Variants in ANGPT1 observed in about 807,000 individuals in gnomAD.
ANGPT1 encodes angiopoietin 1.
ANGPT1 carries 17 observed loss-of-function variants against 62.2 expected under a neutral mutation model. The observed-to-expected ratio is 0.27, with a 90% confidence interval of 0.19 to 0.41. The LOEUF is 0.41. Among genes scored for constraint, ANGPT1 ranks in the 10% least tolerant of loss-of-function variants. The pLI is 1.00. For synonymous variants in ANGPT1, 199 were observed against 198.9 expected, an observed-to-expected ratio of 1.00 and a Z score of 0.00; for missense variants, 478 against 594.9, an observed-to-expected ratio of 0.80 and a Z score of 2.04.
intron 1 of ANGPT1, among the ~76,000 whole-genome samples, chr8:107,376,535 T>A (rs1437502985): frequency 6.6e-6 from 1 of 151,700 alleles, no homozygotes; most frequent in Non-Finnish European, 1.5e-5. Flanking sequence ...CTTGTTTGTT[T>A]GTTTTTGTTT....
At chr8:107,346,316 A>T (rs1165401602) in intron 2 of ANGPT1, among the ~76,000 whole-genome samples, 1 of 152,214 alleles carries the variant, frequency 6.6e-6, no homozygotes, top group East Asian at 1.9e-4. Flanking sequence ...AGAGACAATT[A>T]AAAATGACAG....
chr8:107,257,150 G>A (rs564939270), intron 8 of ANGPT1, among the ~76,000 whole-genome samples: 25 of 152,248 alleles, frequency 1.6e-4, no homozygotes, highest in African/African-American at 5.5e-4. Context: ...GTGAGCCACC[G>A]CGCTCAGCCT....
intron 1 of ANGPT1, among the ~76,000 whole-genome samples, chr8:107,361,450 GATCT>G (rs1161854415): frequency 8.1e-5 from 12 of 147,954 alleles, no homozygotes; most frequent in Non-Finnish European, 1.8e-4. Context: ...AATATATATA[GATCT>G]ATCTATAAAT....
chr8:107,317,237 T>C, intron 4 of ANGPT1, among the ~76,000 whole-genome samples: 1 of 152,236 alleles, frequency 6.6e-6, no homozygotes, highest in East Asian at 1.9e-4. Flanking sequence ...AATACATCTT[T>C]TCTTCTTCCC....
intron 1 of ANGPT1, among the ~76,000 whole-genome samples, chr8:107,413,237 G>A (rs191640470): frequency 9.2e-5 from 14 of 152,138 alleles, no homozygotes; most frequent in South Asian, 4.2e-4. Context: ...GGCCAATCCC[G>A]GGTAATTATG....
chr8:107,334,555 TAATAAACGTGCTA>T (rs1815516665), intron 3 of ANGPT1, among the ~76,000 whole-genome samples: 1 of 145,698 alleles, frequency 6.9e-6, no homozygotes, highest in South Asian at 2.2e-4. Context: ...CCTTATGCTA[TAATAAACGTGCTA>T]TTGTATAATT....
intron 3 of ANGPT1, among the ~76,000 whole-genome samples, chr8:107,325,560 A>G (rs1213782500): frequency 6.6e-6 from 1 of 152,116 alleles, no homozygotes; most frequent in African/African-American, 2.4e-5. Context: ...AGTTTTCCTA[A>G]TCAGTAGGTA....
At chr8:107,285,498 C>T in intron 6 of ANGPT1, among the ~76,000 whole-genome samples, 1 of 152,076 alleles carries the variant, frequency 6.6e-6, no homozygotes. Context: ...ATTTACAAAG[C>T]TGCACTGGCA....
At chr8:107,279,912 T>A (rs1172976273) in intron 7 of ANGPT1, among the ~76,000 whole-genome samples, 1 of 151,962 alleles carries the variant, frequency 6.6e-6, no homozygotes, top group Non-Finnish European at 1.5e-5. Context: ...GGCCTAAGAA[T>A]GAGGGTGATG....
At chr8:107,299,023 A>G (rs952350741) in intron 5 of ANGPT1, among the ~76,000 whole-genome samples, 3 of 151,684 alleles carry the variant, frequency 2.0e-5, no homozygotes, top group Non-Finnish European at 4.4e-5. Flanking sequence ...TCAAGATGGA[A>G]AAAACTGAGA....
chr8:107,472,661 C>T (rs996877522), intron 1 of ANGPT1, among the ~76,000 whole-genome samples: 1 of 151,900 alleles, frequency 6.6e-6, no homozygotes, highest in African/African-American at 2.4e-5. Context: ...AGGAGGAAAC[C>T]ATTATTATTC....
intron 8 of ANGPT1, among the ~76,000 whole-genome samples, chr8:107,260,119 A>G (rs1431245102): frequency 6.6e-6 from 1 of 152,154 alleles, no homozygotes; most frequent in Non-Finnish European, 1.5e-5. Flanking sequence ...GAAGTTAGGA[A>G]ATGAAGAACA....
intron 1 of ANGPT1, among the ~76,000 whole-genome samples, chr8:107,447,539 C>T (rs1283985484): frequency 1.3e-5 from 2 of 152,220 alleles, no homozygotes; most frequent in East Asian, 3.8e-4. Flanking sequence ...CTGCCTTAGA[C>T]CACTCCTCCT....
At chr8:107,287,085 T>C (rs1814159272) in intron 6 of ANGPT1, among the ~76,000 whole-genome samples, 1 of 152,196 alleles carries the variant, frequency 6.6e-6, no homozygotes, top group African/African-American at 2.4e-5. Flanking sequence ...TGCCACTTGA[T>C]GATTCCCTTT....
chr8:107,460,294 C>T (rs1205785323), intron 1 of ANGPT1, among the ~76,000 whole-genome samples: 1 of 152,096 alleles, frequency 6.6e-6, no homozygotes, highest in Admixed American at 6.6e-5. Context: ...GAGTAGGGAT[C>T]AGCTACAGGT....
intron 1 of ANGPT1, among the ~76,000 whole-genome samples, chr8:107,381,009 A>T (rs1816626223): frequency 6.6e-6 from 1 of 152,190 alleles, no homozygotes; most frequent in Non-Finnish European, 1.5e-5. Flanking sequence ...GGAAGGCCTG[A>T]AGTTTAGATA....
intron 1 of ANGPT1, among the ~76,000 whole-genome samples, chr8:107,365,328 T>A (rs1283659): frequency 1.3e-5 from 2 of 152,028 alleles, no homozygotes; most frequent in Admixed American, 6.5e-5. Context: ...CTCTCCCCCA[T>A]GAGAAGTAGT....
chr8:107,315,467 C>T (rs541231461), intron 4 of ANGPT1, among the ~76,000 whole-genome samples: 87 of 152,214 alleles, frequency 5.7e-4, no homozygotes, highest in Non-Finnish European at 9.4e-4. Flanking sequence ...AGATATGCAA[C>T]TGAGCCATGT....
intron 1 of ANGPT1, among the ~76,000 whole-genome samples, chr8:107,417,611 C>T (rs149752847): frequency 2.0e-5 from 3 of 152,220 alleles, no homozygotes; most frequent in African/African-American, 4.8e-5. Flanking sequence ...TACCTTTCCC[C>T]CAAATAGATT....
Sources: allele counts gnomAD v4.1 joint callset (sites outside exome capture counted in the v4.1 genomes callset), GRCh38; gene constraint gnomAD v4.1.1; transcripts MANE v1.5; gene names NCBI Gene and HGNC (gene_info 2026-07-23, HGNC 2026-07-21).